VAV3: variants seen among roughly 807,000 people sequenced by gnomAD.
VAV3 encodes the protein guanine nucleotide exchange factor VAV3.
VAV3 carries 94 observed loss-of-function variants against 131.2 expected under a neutral mutation model. That is an observed-to-expected ratio of 0.72 (90% CI 0.61 to 0.85). The LOEUF is 0.85. Ranked by LOEUF, VAV3 falls within the 40% of genes least tolerant of loss-of-function variation. The pLI is 0.00. For synonymous variants in VAV3, 349 were observed against 342.0 expected (o/e 1.02, Z -0.22); for missense variants, 939 against 1,002.7 (o/e 0.94, Z 0.86).
chr1:107,783,052 T>A (rs1570947328), intron 2 of VAV3, among the ~76,000 whole-genome samples: 1 of 152,328 alleles, frequency 6.6e-6, no homozygotes, highest in East Asian at 1.9e-4. Flanking sequence ...TTTCTTTCCC[T>A]TTGTCTATCC....
intron 2 of VAV3, among the ~76,000 whole-genome samples, chr1:107,824,606 C>A (rs1422292674): frequency 1.3e-5 from 2 of 152,160 alleles, no homozygotes; most frequent in Non-Finnish European, 2.9e-5. Context: ...TATACACTAT[C>A]TATATCTGTA....
chr1:107,916,292 T>C (rs965305068), intron 1 of VAV3, among the ~76,000 whole-genome samples: 1 of 152,210 alleles, frequency 6.6e-6, no homozygotes, highest in East Asian at 1.9e-4. Context: ...TGTTCACTCA[T>C]GGTCAAATTT....
intron 19 of VAV3, among the ~76,000 whole-genome samples, chr1:107,679,529 T>C (rs549101401): frequency 3.3e-5 from 5 of 152,136 alleles, no homozygotes; most frequent in Admixed American, 6.5e-5. Flanking sequence ...ATGCTATGAG[T>C]TCCACAAATA....
At chr1:107,628,136 G>A (rs1032429920) in intron 20 of VAV3, among the ~76,000 whole-genome samples, 2 of 152,088 alleles carry the variant, frequency 1.3e-5, no homozygotes, top group African/African-American at 4.8e-5. Context: ...GACAGAACGG[G>A]GGTGAAAGGG....
chr1:107,613,808 A>G, intron 21 of VAV3, among the ~76,000 whole-genome samples: 1 of 152,184 alleles, frequency 6.6e-6, no homozygotes, highest in Non-Finnish European at 1.5e-5. Flanking sequence ...CAATCCAGAC[A>G]GCATTTGAAT....
chr1:107,867,159 G>A (rs1040929249), intron 2 of VAV3, among the ~76,000 whole-genome samples: 5 of 152,226 alleles, frequency 3.3e-5, no homozygotes, highest in African/African-American at 1.2e-4. Flanking sequence ...TTTTTCTCCA[G>A]TCTTCCTATT....
intron 18 of VAV3, among the ~76,000 whole-genome samples, chr1:107,685,326 A>G (rs1658941603): frequency 1.3e-5 from 2 of 152,190 alleles, no homozygotes; most frequent in Non-Finnish European, 2.9e-5. Flanking sequence ...TTGTTCCTCT[A>G]TAAAATGGAG....
intron 2 of VAV3, among the ~76,000 whole-genome samples, chr1:107,867,789 T>C (rs531786111): frequency 6.6e-6 from 1 of 152,124 alleles, no homozygotes; most frequent in South Asian, 2.1e-4. Context: ...TTCCAGACCC[T>C]TGAGGGAGGA....
At chr1:107,885,445 G>A in intron 1 of VAV3, among the ~76,000 whole-genome samples, 1 of 151,330 alleles carries the variant, frequency 6.6e-6, no homozygotes, top group Admixed American at 6.6e-5. Flanking sequence ...AAAAAGAAAA[G>A]AAAAATACAG....
At chr1:107,764,932 T>G in intron 9 of VAV3, 144 bp downstream of exon 9, 1 of 573,580 alleles carries the variant, frequency 1.7e-6, no homozygotes, top group Non-Finnish European at 3.0e-6. Flanking sequence ...TACTATTTTA[T>G]AGAGCTGTTT....
At position 107,914,874 on chromosome 1, in the gene VAV3, A is replaced by G. The variant is rs1672536637; in HGVS notation, c.205-39857T>C. Among the ~76,000 whole-genome samples the G allele has an allele frequency of 2.0e-5, 3 of 152,220 alleles. No homozygotes were observed. The South Asian group carries it at 6.2e-4, about 32-fold the overall frequency. On this transcript the variant is annotated intron_variant, in intron 1 of 26. Transcript: ENST00000370056. ...ACTAGGGAACAAAACCAGCACACAT[A>G]AAGCAGCAGCAAGGCCTGGAGGCTA...
chr1:107,882,344 G>A lies in VAV3; in HGVS notation c.205-7327C>T, dbSNP rs547392637. ...GTAGGACACTTGCTATTGAAAGATC[G>A]GCCCTGAATTTGAGGGTCTGGCATA... On this transcript the variant is annotated intron_variant, in intron 1 of 26. Transcript: ENST00000370056. Among the ~76,000 whole-genome samples, 20 of 152,150 alleles carry A rather than the reference G, an allele frequency of 1.3e-4. No individual in the cohort carries two copies. In the East Asian group the frequency reaches 3.7e-3, roughly 28 times the overall value.
intron 11 of VAV3, 72 bp downstream of exon 11, chr1:107,757,185 GTGTA>G: frequency 8.9e-6 from 7 of 783,274 alleles, no homozygotes; most frequent in Non-Finnish European, 1.5e-5. Context: ...GTGTGTGTGT[GTGTA>G]TGCAATTTGA....
chr1:107,848,226 T>C lies in VAV3; in HGVS notation c.321+26675A>G, dbSNP rs527586562. On this transcript the variant is annotated intron_variant, in intron 2 of 26. Coordinates refer to ENST00000370056, the MANE Select transcript of VAV3 (RefSeq NM_006113.5). ...TAATTGGGAGGCTTAGGCAGGAGAA[T>C]GGCGTGAACCCTGGAGGCGGAGCTT... Among the ~76,000 whole-genome samples, 12 of 148,770 alleles carry C rather than the reference T, an allele frequency of 8.1e-5. No individual in the cohort carries two copies. The East Asian group carries it at 2.2e-3, about 27-fold the overall frequency.
chr1:107,719,516 C>A (rs1037537662), intron 15 of VAV3, among the ~76,000 whole-genome samples: 1 of 152,174 alleles, frequency 6.6e-6, no homozygotes, highest in Non-Finnish European at 1.5e-5. Flanking sequence ...AATGAGTTAC[C>A]ATCTCACACC....
intron 17 of VAV3, among the ~76,000 whole-genome samples, chr1:107,701,820 A>G (rs1355317237): frequency 6.6e-6 from 1 of 152,140 alleles, no homozygotes; most frequent in African/African-American, 2.4e-5. Context: ...CAAGTTCCTC[A>G]TCTCCATTTG....
intron 20 of VAV3, among the ~76,000 whole-genome samples, chr1:107,629,126 T>C (rs1229689478): frequency 1.3e-5 from 2 of 152,202 alleles, no homozygotes; most frequent in Non-Finnish European, 1.5e-5. Context: ...TGGATATTCG[T>C]AAATGACAAT....
At chr1:107,958,001 G>C (rs1674897094) in intron 1 of VAV3, among the ~76,000 whole-genome samples, 2 of 152,078 alleles carry the variant, frequency 1.3e-5, no homozygotes, top group African/African-American at 4.8e-5. Context: ...AGAGAACCTA[G>C]GTTAAGCCAC....
intron 24 of VAV3, among the ~76,000 whole-genome samples, chr1:107,596,924 T>C (rs1386322438): frequency 6.6e-6 from 1 of 152,194 alleles, no homozygotes; most frequent in Non-Finnish European, 1.5e-5. Context: ...TTCTTTCCAA[T>C]TTTCTCTTAT....
Sources: gnomAD v4.1 joint callset for allele counts (sites outside exome capture counted in the v4.1 genomes callset) on GRCh38, gnomAD v4.1.1 for gene constraint, MANE v1.5 for transcripts, NCBI Gene and HGNC (gene_info 2026-07-23, HGNC 2026-07-21) for gene names.